The following PTAFR variants were observed in gnomAD, a reference collection of about 807,000 sequenced individuals.
PTAFR encodes platelet activating factor receptor, also known as platelet-activating factor receptor.
Under a neutral mutation model 14.7 loss-of-function variants are expected in PTAFR, and 8 were observed. That is an observed-to-expected ratio of 0.54 (90% confidence interval 0.32 to 0.98). PTAFR has a LOEUF of 0.98. PTAFR is among the 50% of genes least tolerant of loss of function. The probability of loss-of-function intolerance (pLI) is 0.04; values close to 1 mark genes in which losing one functional copy is unlikely to be tolerated. For synonymous variants in PTAFR, 156 were observed against 176.5 expected (o/e 0.88, Z 0.92); for missense variants, 337 against 451.2 (o/e 0.75, Z 2.29).
intron 1 of PTAFR, among the ~76,000 whole-genome samples, chr1:28,155,333 C>T (rs1646251579): frequency 6.6e-6 from 1 of 152,108 alleles, no homozygotes; most frequent in South Asian, 2.1e-4. Flanking sequence ...GCCTCAGCCT[C>T]CTGAGTAGCT....
At chr1:28,167,800 G>A (rs1017162425) in intron 1 of PTAFR, among the ~76,000 whole-genome samples, 1 of 151,210 alleles carries the variant, frequency 6.6e-6, no homozygotes, top group African/African-American at 2.4e-5. Context: ...CACCTCGCCC[G>A]GCTAATTTTT....
At chr1:28,166,490 G>A (rs1646386316) in intron 1 of PTAFR, among the ~76,000 whole-genome samples, 1 of 152,092 alleles carries the variant, frequency 6.6e-6, no homozygotes, top group Non-Finnish European at 1.5e-5. Context: ...TGGCCAACAT[G>A]GTGAAATCCC....
chr1:28,175,940 ACCATCACCACCTC>A (rs1041499428), intron 1 of PTAFR, among the ~76,000 whole-genome samples: 2 of 151,884 alleles, frequency 1.3e-5, no homozygotes, highest in African/African-American at 2.4e-5. Flanking sequence ...CCCCATCACC[ACCATCACCACCTC>A]CCAGTAGGGT....
upstream of PTAFR, among the ~76,000 whole-genome samples, chr1:28,180,490 C>T (rs907507985): frequency 1.3e-5 from 2 of 152,198 alleles, no homozygotes; most frequent in East Asian, 1.9e-4. Context: ...GACATCTTAT[C>T]GGCACCGCCA....
At chr1:28,190,760 TG>T (rs1646645574) in intron 1 of PTAFR, among the ~76,000 whole-genome samples, 1 of 152,276 alleles carries the variant, frequency 6.6e-6, no homozygotes, top group Admixed American at 6.5e-5. Context: ...GGGAGACTCC[TG>T]GGGATGGACA....
At chr1:28,184,612 C>CT (rs914464343) in intron 1 of PTAFR, among the ~76,000 whole-genome samples, 4 of 151,994 alleles carry the variant, frequency 2.6e-5, no homozygotes. Context: ...TCAACACACT[C>CT]TCACCTCACC....
intron 1 of PTAFR, among the ~76,000 whole-genome samples, chr1:28,166,328 A>T (rs1043986998): frequency 5.3e-5 from 8 of 152,188 alleles, no homozygotes; most frequent in Non-Finnish European, 1.2e-4. Context: ...TGGATTAAAG[A>T]CCTAAACATA....
chr1:28,184,517 G>A (rs1410070509), intron 1 of PTAFR, among the ~76,000 whole-genome samples: 1 of 152,188 alleles, frequency 6.6e-6, no homozygotes, highest in Admixed American at 6.6e-5. Context: ...GTCCTTTAAA[G>A]CACCCTCAAG....
chr1:28,167,936 A>G (rs937690610), intron 1 of PTAFR, among the ~76,000 whole-genome samples: 9 of 140,634 alleles, frequency 6.4e-5, no homozygotes, highest in East Asian at 2.1e-4. Flanking sequence ...ACCACGCCCA[A>G]CTGAAAACCA....
intron 1 of PTAFR, among the ~76,000 whole-genome samples, chr1:28,154,067 G>A (rs528847920): frequency 2.2e-4 from 26 of 117,254 alleles, no homozygotes; most frequent in African/African-American, 8.3e-4. Context: ...AAAATGGGAT[G>A]AGACCTTGTC....
At chr1:28,157,175 T>C (rs1484906372) in intron 1 of PTAFR, among the ~76,000 whole-genome samples, 1 of 152,220 alleles carries the variant, frequency 6.6e-6, no homozygotes, top group Admixed American at 6.5e-5. Flanking sequence ...GGCTTGGCTC[T>C]GTCACCCAGA....
chr1:28,150,613 A>G lies in PTAFR; in HGVS notation c.409T>C (p.Leu137=), dbSNP rs935552924. 1 of 1,614,204 alleles carries G rather than the reference A, an allele frequency of 6.2e-7. No individual in the cohort carries two copies. The highest frequency in any genetic ancestry group is 1.7e-5 in the Admixed American group (1 of 60,018). ...QANTRKRGIS[L]SLVIWVAIVG... is the part of the protein sequence containing the mutation. ...ATGGCCACCCAGATGACCAAGGACAAAGAGATGCCACGCTTGCGGGTGTTG... is the reference window on the plus strand; with the variant it reads ...ATGGCCACCCAGATGACCAAGGACAGAGAGATGCCACGCTTGCGGGTGTTG... Residue 137 remains leucine (L), a synonymous_variant, in exon 2 of 2, where the codon TTG becomes CTG. Coordinates refer to ENST00000373857, the MANE Select transcript of PTAFR (RefSeq NM_000952.5). This position sits in a 1 kb window ranked among gnomAD's most constrained non-coding sequence, Gnocchi z 6.3.
chr1:28,186,800 C>A (rs1189718119), intron 1 of PTAFR, among the ~76,000 whole-genome samples: 3 of 152,118 alleles, frequency 2.0e-5, no homozygotes, highest in African/African-American at 7.2e-5. Flanking sequence ...TGGCACACGC[C>A]TGTAATCCTT....
At chr1:28,160,568 C>CA (rs1557688438) in intron 1 of PTAFR, among the ~76,000 whole-genome samples, 1 of 151,082 alleles carries the variant, frequency 6.6e-6, no homozygotes, top group African/African-American at 2.4e-5. Flanking sequence ...CGCCACCCCC[C>CA]ACACACACAC....
At chr1:28,157,557 G>A (rs1307251440) in intron 1 of PTAFR, among the ~76,000 whole-genome samples, 2 of 151,688 alleles carry the variant, frequency 1.3e-5, no homozygotes, top group Non-Finnish European at 2.9e-5. Context: ...TAACTGCCTG[G>A]CACTATTATG....
chr1:28,160,259 G>A (rs1049997281), intron 1 of PTAFR, among the ~76,000 whole-genome samples: 2 of 151,510 alleles, frequency 1.3e-5, no homozygotes, highest in Admixed American at 1.3e-4. Flanking sequence ...AAGACATTTG[G>A]GAAAACTCAA....
In PTAFR at chr1:28,147,747, A is replaced by G. The variant is rs1188787948; in HGVS notation, c.*2246T>C. The G allele has an allele frequency of 6.6e-6, 1 of 152,156 alleles. No homozygotes were observed. Among genetic ancestry groups the G allele is most frequent in the Non-Finnish European group, 1.5e-5 (1 of 68,044 alleles). The allele number at this position is 152,156 out of a possible 1,614,324, so 9.4% of individuals were successfully genotyped here. On this transcript the variant is annotated 3_prime_UTR_variant, in exon 2 of 2. Coordinates refer to ENST00000373857, the MANE Select transcript of PTAFR (RefSeq NM_000952.5). ...AAATTCGCAGAAAAGGGGAGGGTCT[A>G]AGATGAGCAGTCACCCTGCCAAGAG... is the stretch of plus-strand genomic sequence containing the variant.
At chr1:28,192,874 C>T (rs139375336) in intron 1 of PTAFR, among the ~76,000 whole-genome samples, 3,417 of 152,126 alleles carry the variant, frequency 0.022, 142 homozygotes, top group African/African-American at 0.077. Flanking sequence ...CTCGAACTCC[C>T]GACCTCAGGT....
At chr1:28,156,119 C>T (rs977916635) in intron 1 of PTAFR, among the ~76,000 whole-genome samples, 6 of 151,792 alleles carry the variant, frequency 4.0e-5, no homozygotes, top group Admixed American at 2.6e-4. Context: ...AAAAATCAGC[C>T]GGGTGTGGTG....
Sources: allele counts gnomAD v4.1 joint callset (sites outside exome capture counted in the v4.1 genomes callset), GRCh38; gene constraint gnomAD v4.1.1; non-coding constraint Gnocchi (gnomAD v3.1); transcripts MANE v1.5; gene names NCBI Gene and HGNC (gene_info 2026-07-23, HGNC 2026-07-21).